TPRG1: variants seen among roughly 807,000 people sequenced by gnomAD.
TPRG1 encodes tumor protein p63 regulated 1, also known as tumor protein p63-regulated gene 1 protein.
Under a neutral mutation model 29.3 loss-of-function variants are expected in TPRG1, and 29 were observed. The observed-to-expected ratio is 0.99, with a 90% confidence interval of 0.74 to 1.35. TPRG1 has a LOEUF of 1.35. Among genes scored for constraint, TPRG1 ranks in the 40% most tolerant of loss-of-function variants. The pLI is 0.00. For synonymous variants in TPRG1, 130 were observed against 116.8 expected (o/e 1.11, Z -0.73); for missense variants, 327 against 335.0 (o/e 0.98, Z 0.19).
chr3:189,002,267 C>T (rs1246807949), intron 2 of TPRG1, among the ~76,000 whole-genome samples: 2 of 152,058 alleles, frequency 1.3e-5, no homozygotes, highest in Admixed American at 1.3e-4. Flanking sequence ...TTTGTCTCCT[C>T]CACAGAGGCC....
intron 2 of TPRG1, chr3:189,127,341 T>A (rs1305021832): frequency 1.3e-5 from 2 of 152,172 alleles, no homozygotes; most frequent in Non-Finnish European, 2.9e-5. Flanking sequence ...CATCAAAAAC[T>A]GGGATCCTAA....
At chr3:189,287,419 A>G (rs1377060869) in intron 4 of TPRG1, among the ~76,000 whole-genome samples, 21 of 147,062 alleles carry the variant, frequency 1.4e-4, no homozygotes, top group African/African-American at 5.3e-4. Flanking sequence ...TTTTTTTGAG[A>G]CAGAGTCTTG....
chr3:189,136,566 A>G (rs1002835370), intron 3 of TPRG1, among the ~76,000 whole-genome samples: 22 of 152,230 alleles, frequency 1.4e-4, no homozygotes, highest in African/African-American at 5.3e-4. Flanking sequence ...TCAATTAACA[A>G]AAAATGTCTC....
intron 1 of TPRG1, among the ~76,000 whole-genome samples, chr3:189,197,519 G>A (rs1732743828): frequency 6.6e-6 from 1 of 152,144 alleles, no homozygotes; most frequent in Non-Finnish European, 1.5e-5. Flanking sequence ...CAGGCCAGTT[G>A]CAAAGTAGGA....
Position 189,078,887 on chromosome 3 carries a change from G to A in TPRG1, c.-462-48170G>A, listed in dbSNP as rs140301319. Among the ~76,000 whole-genome samples, 45 of 152,300 alleles carry A rather than the reference G, an allele frequency of 3.0e-4. No individual in the cohort carries two copies. In the East Asian group the frequency reaches 7.5e-3, roughly 25 times the overall value. ...GTGTTATGACTTAAGTAAAGCAATA[G>A]TGTGGTGTTTGGCATGGGTAGGTCA... is the stretch of plus-strand genomic sequence containing the variant. On this transcript the variant is annotated intron_variant, in intron 4 of 10. Coordinates refer to the TPRG1 transcript ENST00000433971.
At chr3:189,207,275 T>G in intron 1 of TPRG1, 101 bp from the exon 2 acceptor site, 1 of 1,471,610 alleles carries the variant, frequency 6.8e-7, no homozygotes, top group Non-Finnish European at 9.1e-7. Context: ...GTTTTTAAGT[T>G]TCAGGAATTC....
intron 3 of TPRG1, among the ~76,000 whole-genome samples, chr3:189,234,958 A>G (rs1346909381): frequency 6.6e-6 from 1 of 152,122 alleles, no homozygotes; most frequent in Non-Finnish European, 1.5e-5. Context: ...CTAGGTGGAG[A>G]TTCATGAACA....
intron 3 of TPRG1, among the ~76,000 whole-genome samples, chr3:189,145,126 G>A (rs1462625715): frequency 6.6e-6 from 1 of 152,128 alleles, no homozygotes; most frequent in East Asian, 1.9e-4. Context: ...CACTTTGGGA[G>A]GATGAGGTGG....
rs530335030 is a variant in TPRG1, at chr3:189,093,858, C to T, written c.-462-33199C>T. Among the ~76,000 whole-genome samples, 9 of 152,236 alleles carry T rather than the reference C, an allele frequency of 5.9e-5. No homozygotes were observed. The South Asian group carries it at 8.3e-4, about 14-fold the overall frequency. ...TAAAATCTGCATCTTTAGAGTTGAC[C>T]GTGCCTCTACGGGCCTTTCTACTTG... is the stretch of plus-strand genomic sequence containing the variant. On this transcript the variant is annotated intron_variant, in intron 4 of 10. Transcript: ENST00000433971.
chr3:189,156,380 G>A (rs568070166), intron 5 of TPRG1, among the ~76,000 whole-genome samples: 10 of 151,982 alleles, frequency 6.6e-5, no homozygotes, highest in Admixed American at 1.3e-4. Flanking sequence ...ATTATGTTGT[G>A]TTAAGCCCCT....
At chr3:189,103,195 A>T (rs892827819) in intron 1 of TPRG1, among the ~76,000 whole-genome samples, 4 of 152,208 alleles carry the variant, frequency 2.6e-5, no homozygotes, top group African/African-American at 9.6e-5. Context: ...ATAAAGTTTT[A>T]TTGGAACAGA....
At chr3:189,153,805 GCTGACTGAT>G (rs775239849) in intron 5 of TPRG1, among the ~76,000 whole-genome samples, 75 of 152,238 alleles carry the variant, frequency 4.9e-4, no homozygotes, top group Non-Finnish European at 9.0e-4. Context: ...GGAATAGAGG[GCTGACTGAT>G]CTGAGAGACA....
At chr3:189,313,938 T>A (rs1388986589) in intron 5 of TPRG1, among the ~76,000 whole-genome samples, 2 of 152,194 alleles carry the variant, frequency 1.3e-5, no homozygotes, top group African/African-American at 4.8e-5. Context: ...TAGTCCCCAC[T>A]GTAGTTATAA....
At chr3:189,116,351 GTATT>G (rs1721169525) in intron 1 of TPRG1, among the ~76,000 whole-genome samples, 1 of 151,920 alleles carries the variant, frequency 6.6e-6, no homozygotes, top group African/African-American at 2.4e-5. Flanking sequence ...TAATTTTTTT[GTATT>G]TTTAGTAGAG....
At chr3:189,123,192 C>G (rs1722036177) in intron 1 of TPRG1, among the ~76,000 whole-genome samples, 1 of 152,084 alleles carries the variant, frequency 6.6e-6, no homozygotes, top group Non-Finnish European at 1.5e-5. Context: ...GTAAAGCATG[C>G]AAAACATTTT....
intron 5 of TPRG1, among the ~76,000 whole-genome samples, chr3:189,154,095 G>T (rs1726324713): frequency 6.6e-6 from 1 of 152,154 alleles, no homozygotes; most frequent in Admixed American, 6.5e-5. Flanking sequence ...GAGAGAGGAT[G>T]AGGCAGCTGC....
chr3:189,323,279 T>G lies in TPRG1; in HGVS notation c.*2459T>G, dbSNP rs534037827. ...TTTCCAAATAATTGTTGCTAGTACT[T>G]AGTTAATTAGACCCATTTTTTTCTT... is the stretch of plus-strand genomic sequence containing the variant. On this transcript the variant is annotated 3_prime_UTR_variant, in exon 6 of 6. Coordinates refer to ENST00000345063, the MANE Select transcript of TPRG1 (RefSeq NM_198485.4). The G allele has an allele frequency of 6.6e-6, 1 of 152,274 alleles. No individual in the cohort carries two copies. Among genetic ancestry groups the G allele is most frequent in the East Asian group, 1.9e-4 (1 of 5,180 alleles). 9.4% of individuals were successfully genotyped at this position (152,274 alleles called of 1,614,324 possible). A position where few individuals can be genotyped will look rare whatever the true frequency, so the allele number is the denominator to read the frequency against.
At chr3:189,228,461 A>G (rs1449257660) in intron 3 of TPRG1, among the ~76,000 whole-genome samples, 1 of 152,240 alleles carries the variant, frequency 6.6e-6, no homozygotes, top group Non-Finnish European at 1.5e-5. Flanking sequence ...CATGCAAGGC[A>G]GGTTCAATTT....
chr3:189,295,627 G>A (rs1166739406), intron 4 of TPRG1, among the ~76,000 whole-genome samples: 1 of 151,392 alleles, frequency 6.6e-6, no homozygotes, highest in Non-Finnish European at 1.5e-5. Flanking sequence ...GGATATGGTA[G>A]TGGAAAGCTT....
Sources: allele counts gnomAD v4.1 joint callset (sites outside exome capture counted in the v4.1 genomes callset), GRCh38; gene constraint gnomAD v4.1.1; transcripts MANE v1.5; gene names NCBI Gene and HGNC (gene_info 2026-07-23, HGNC 2026-07-21).